Variants in TDRD12 observed in about 807,000 individuals in gnomAD.
The protein encoded by TDRD12 is putative ATP-dependent RNA helicase TDRD12.
Under a neutral mutation model 133.5 loss-of-function variants are expected in TDRD12, and 158 were observed. The ratio of observed to expected loss-of-function variants is 1.18; its 90% CI spans 1.04 to 1.35. The LOEUF (loss-of-function observed/expected upper bound fraction) is 1.35. TDRD12 is among the 40% of genes most tolerant of loss of function. The pLI is 0.00. For missense variants in TDRD12, 1,443 were observed against 1,321.3 expected, an observed-to-expected ratio of 1.09 and a Z score of -1.43; for synonymous variants, 460 against 477.9, an observed-to-expected ratio of 0.96 and a Z score of 0.49.
intron 1 of TDRD12, among the ~76,000 whole-genome samples, chr19:32,727,650 A>G (rs1166847803): frequency 6.6e-6 from 1 of 151,892 alleles, no homozygotes; most frequent in Non-Finnish European, 1.5e-5. Context: ...GTCCAAATTT[A>G]TTCTTTCATT....
chr19:32,774,235 A>G (rs1209995941), intron 10 of TDRD12, among the ~76,000 whole-genome samples: 1 of 152,204 alleles, frequency 6.6e-6, no homozygotes, highest in Non-Finnish European at 1.5e-5. Context: ...ACTTTTACAT[A>G]TATCATAAAT....
At chr19:32,796,265 G>A (rs188752474) in intron 14 of TDRD12, 127 of 822,914 alleles carry the variant, frequency 1.5e-4, no homozygotes, top group Non-Finnish European at 1.1e-4. Context: ...TTCTAACCGT[G>A]CCATGCAGTT....
chr19:32,743,541 C>G (rs1402476870), intron 4 of TDRD12, among the ~76,000 whole-genome samples: 6 of 152,066 alleles, frequency 3.9e-5, no homozygotes, highest in Non-Finnish European at 1.5e-5. Flanking sequence ...AACCACTGTG[C>G]TGGGCCCATG....
intron 8 of TDRD12, among the ~76,000 whole-genome samples, chr19:32,758,575 T>C (rs1245361584): frequency 6.6e-6 from 1 of 152,180 alleles, no homozygotes; most frequent in Non-Finnish European, 1.5e-5. Flanking sequence ...GGCATTTGAC[T>C]GCCTTTTGCT....
At chr19:32,773,566 C>A (rs146752048) in intron 10 of TDRD12, 34 bp downstream of exon 10, 1 of 1,539,396 alleles carries the variant, frequency 6.5e-7, no homozygotes, top group Non-Finnish European at 8.8e-7. Flanking sequence ...GGTGTGGTGG[C>A]GCCTGCCTGT....
intron 10 of TDRD12, among the ~76,000 whole-genome samples, chr19:32,776,896 AT>A (rs1970599021): frequency 6.6e-6 from 1 of 152,062 alleles, no homozygotes; most frequent in South Asian, 2.1e-4. Context: ...ACAATTTTTC[AT>A]TTTTTTAAGA....
At chr19:32,804,752 A>C (rs1207649722) in intron 21 of TDRD12, among the ~76,000 whole-genome samples, 2 of 151,350 alleles carry the variant, frequency 1.3e-5, no homozygotes, top group African/African-American at 4.9e-5. Context: ...GTTACATAGG[A>C]GGCTGAGGCA....
chr19:32,734,948 A>G (rs1233862004), intron 2 of TDRD12, among the ~76,000 whole-genome samples: 2 of 152,124 alleles, frequency 1.3e-5, no homozygotes, highest in African/African-American at 4.8e-5. Flanking sequence ...CACGAATTGC[A>G]CCCATGTAAG....
intron 8 of TDRD12, among the ~76,000 whole-genome samples, chr19:32,765,561 A>G (rs1015965278): frequency 6.6e-6 from 1 of 152,170 alleles, no homozygotes; most frequent in East Asian, 1.9e-4. Flanking sequence ...ACGCAGCCAT[A>G]AAAAGGATGA....
intron 8 of TDRD12, among the ~76,000 whole-genome samples, chr19:32,765,865 T>C (rs1274331136): frequency 2.0e-5 from 3 of 150,744 alleles, no homozygotes; most frequent in Non-Finnish European, 4.4e-5. Context: ...ATTGTGCACA[T>C]GTACCCTAAA....
At chr19:32,822,189 G>C (rs1275584071), downstream of TDRD12, among the ~76,000 whole-genome samples, 5 of 152,190 alleles carry the variant, frequency 3.3e-5, no homozygotes, top group Non-Finnish European at 7.4e-5. Flanking sequence ...CAACACTTTG[G>C]GGGGCTGAGG....
At chr19:32,775,200 C>G (rs895551483) in intron 10 of TDRD12, among the ~76,000 whole-genome samples, 2 of 152,112 alleles carry the variant, frequency 1.3e-5, no homozygotes. Context: ...CCCTGAGGCT[C>G]TGTTCATTTT....
chr19:32,756,679 C>T (rs1160661143), intron 7 of TDRD12, among the ~76,000 whole-genome samples: 4 of 152,118 alleles, frequency 2.6e-5, no homozygotes, highest in Non-Finnish European at 5.9e-5. Flanking sequence ...TGACACCGCG[C>T]CCGGCCTCAA....
intron 4 of TDRD12, among the ~76,000 whole-genome samples, chr19:32,745,288 G>A (rs940266967): frequency 4.6e-5 from 7 of 152,184 alleles, no homozygotes; most frequent in Non-Finnish European, 7.3e-5. Flanking sequence ...GTGGGCTTCC[G>A]GGCCCTTCCC....
chr19:32,788,174 G>A (rs761424171), intron 11 of TDRD12, among the ~76,000 whole-genome samples: 31 of 151,720 alleles, frequency 2.0e-4, no homozygotes, highest in Non-Finnish European at 3.5e-4. Flanking sequence ...CCAGGCTGGA[G>A]TGCAGTGGTG....
At chr19:32,765,891 T>TAA (rs943214573) in intron 8 of TDRD12, among the ~76,000 whole-genome samples, 8 of 138,792 alleles carry the variant, frequency 5.8e-5, no homozygotes, top group African/African-American at 2.1e-4. Flanking sequence ...AAGTATAATT[T>TAA]AAAAAAAAAA....
Position 32,773,552 on chromosome 19 carries a change from A to G in TDRD12, c.1040+20A>G. 6.5e-7 allele frequency: 1 copy of G among 1,550,192 alleles called. No homozygotes were observed. The highest frequency in any genetic ancestry group is 8.7e-7 in the Non-Finnish European group (1 of 1,145,872). On this transcript the variant is annotated intron_variant, in intron 10 of 27. Transcript: ENST00000444215. ...AGCAAGGTATGATTTGAAAATTCAA[A>G]CTGGGTGTGGTGGCGCCTGCCTGTA...
exon 10 of TDRD12, chr19:32,827,373 T>TTTTATTTTA: frequency 9.3e-6 from 1 of 107,364 alleles, no homozygotes; most frequent in Non-Finnish European, 1.4e-5. Flanking sequence ...TTTTCTTTTC[T>TTTTATTTTA]TTTTTTTTTT....
At chr19:32,801,668 G>A (rs759413323) in intron 18 of TDRD12, 88 bp from the exon 19 acceptor site, 10 of 426,334 alleles carry the variant, frequency 2.3e-5, no homozygotes, top group Non-Finnish European at 4.1e-5. Context: ...ATAAATTAAA[G>A]TGCTTTACAT....
Sources: gnomAD v4.1 joint callset for allele counts (sites outside exome capture counted in the v4.1 genomes callset) on GRCh38, gnomAD v4.1.1 for gene constraint, MANE v1.5 for transcripts, NCBI Gene and HGNC (gene_info 2026-07-23, HGNC 2026-07-21) for gene names.